PPP2R2B: variants seen among roughly 807,000 people sequenced by gnomAD.
PPP2R2B encodes protein phosphatase 2 regulatory subunit Bbeta, also known as serine/threonine-protein phosphatase 2A 55 kDa regulatory subunit B beta isoform.
In PPP2R2B, 5 loss-of-function variants were observed where a neutral mutation model predicts 46.0. The ratio of observed to expected loss-of-function variants is 0.11; its 90% CI spans 0.06 to 0.23. The LOEUF is 0.23. Among genes scored for constraint, PPP2R2B ranks in the 10% least tolerant of loss-of-function variants. The pLI is 1.00. For synonymous variants in PPP2R2B, 215 were observed against 206.7 expected (o/e 1.04, Z -0.34); for missense variants, 367 against 575.0 (o/e 0.64, Z 3.70).
At chr5:147,007,788 C>G (rs1754515540) in intron 1 of PPP2R2B, among the ~76,000 whole-genome samples, 1 of 152,144 alleles carries the variant, frequency 6.6e-6, no homozygotes, top group South Asian at 2.1e-4. Flanking sequence ...TCTGCGGCTT[C>G]ACTCCTGAAG....
chr5:146,661,892 G>A (rs1776698777), intron 5 of PPP2R2B, among the ~76,000 whole-genome samples: 2 of 152,130 alleles, frequency 1.3e-5, no homozygotes, highest in Admixed American at 1.3e-4. Flanking sequence ...AAGAAAAAAA[G>A]AGACATCTTA....
chr5:147,059,132 G>A (rs569109131), upstream of PPP2R2B, among the ~76,000 whole-genome samples: 17 of 152,036 alleles, frequency 1.1e-4, no homozygotes, highest in Non-Finnish European at 2.1e-4. Context: ...TGGCAACATA[G>A]GATATGAGAT....
intron 1 of PPP2R2B, among the ~76,000 whole-genome samples, chr5:146,910,029 T>C (rs1367310597): frequency 1.3e-5 from 2 of 152,226 alleles, no homozygotes; most frequent in Non-Finnish European, 2.9e-5. Flanking sequence ...TTTTTAAATA[T>C]TTGACTCATC....
chr5:147,037,429 T>C (rs1436384106), intron 1 of PPP2R2B, among the ~76,000 whole-genome samples: 1 of 151,988 alleles, frequency 6.6e-6, no homozygotes, highest in African/African-American at 2.4e-5. Flanking sequence ...TGTACATATA[T>C]GTATATGTAT....
intron 7 of PPP2R2B, among the ~76,000 whole-genome samples, chr5:146,608,398 T>C (rs1281450818): frequency 6.6e-6 from 1 of 152,226 alleles, no homozygotes; most frequent in East Asian, 1.9e-4. Flanking sequence ...GGATTGTCTT[T>C]GTCAGTTTTC....
chr5:146,648,928 T>C (rs1288968163), intron 6 of PPP2R2B, among the ~76,000 whole-genome samples: 1 of 152,206 alleles, frequency 6.6e-6, no homozygotes, highest in Non-Finnish European at 1.5e-5. Context: ...CAGAATCTTA[T>C]AGGCCAAGTT....
intron 1 of PPP2R2B, among the ~76,000 whole-genome samples, chr5:146,899,096 C>G (rs1340987508): frequency 5.9e-5 from 9 of 151,414 alleles, no homozygotes; most frequent in Non-Finnish European, 1.3e-4. Context: ...ACTAGAAATA[C>G]CATTTGACCC....
At chr5:146,600,829 C>T (rs1236343549) in intron 7 of PPP2R2B, among the ~76,000 whole-genome samples, 1 of 152,138 alleles carries the variant, frequency 6.6e-6, no homozygotes, top group Non-Finnish European at 1.5e-5. Context: ...AGATACAATT[C>T]ACATACCACA....
At chr5:146,782,869 G>C (rs886826323) in intron 2 of PPP2R2B, among the ~76,000 whole-genome samples, 1 of 152,036 alleles carries the variant, frequency 6.6e-6, no homozygotes, top group South Asian at 2.1e-4. Flanking sequence ...GAAACAGAGG[G>C]GGAAGGAAGG....
intron 8 of PPP2R2B, among the ~76,000 whole-genome samples, chr5:146,597,025 G>T (rs1771240054): frequency 6.6e-6 from 1 of 152,078 alleles, no homozygotes; most frequent in Non-Finnish European, 1.5e-5. Context: ...GCCAGTGTTG[G>T]GTAGCTGGGC....
chr5:146,975,616 A>T lies in PPP2R2B; in HGVS notation c.79+80049T>A, dbSNP rs1050743325. Among the ~76,000 whole-genome samples, 7 of 152,234 alleles carry T rather than the reference A, an allele frequency of 4.6e-5. No homozygotes were observed. In the East Asian group the frequency reaches 1.3e-3, roughly 29 times the overall value. ...CATAGTGGTTTCACCACTACAGTGC[A>T]GAAGAGTTCCAATTTTCCCACATAC... is the stretch of plus-strand genomic sequence containing the variant. On this transcript the variant is annotated intron_variant, in intron 1 of 8. Transcript: ENST00000336640.
intron 2 of PPP2R2B, among the ~76,000 whole-genome samples, chr5:146,858,261 C>G (rs1293070779): frequency 1.3e-5 from 2 of 152,102 alleles, no homozygotes; most frequent in Non-Finnish European, 2.9e-5. Flanking sequence ...TCATATAATT[C>G]TAAACTCTAG....
intron 1 of PPP2R2B, among the ~76,000 whole-genome samples, chr5:146,910,754 A>G (rs1478238667): frequency 1.3e-5 from 2 of 152,184 alleles, no homozygotes; most frequent in Non-Finnish European, 2.9e-5. Flanking sequence ...GAAGTTTCTT[A>G]CTTTTTTAAG....
intron 2 of PPP2R2B, among the ~76,000 whole-genome samples, chr5:146,846,917 C>T (rs567997429): frequency 1.3e-5 from 2 of 152,134 alleles, no homozygotes; most frequent in East Asian, 3.9e-4. Flanking sequence ...AAGCCACTGC[C>T]TTAAATTCTT....
intron 7 of PPP2R2B, among the ~76,000 whole-genome samples, chr5:146,623,167 G>A (rs953137108): frequency 6.6e-6 from 1 of 152,152 alleles, no homozygotes; most frequent in Non-Finnish European, 1.5e-5. Flanking sequence ...ACAGTGACAC[G>A]AACACAAAAG....
At chr5:146,872,342 T>C (rs182344629) in intron 2 of PPP2R2B, among the ~76,000 whole-genome samples, 76 of 152,332 alleles carry the variant, frequency 5.0e-4, no homozygotes, top group Non-Finnish European at 9.4e-4. Flanking sequence ...ATTTCAGGTT[T>C]CTCTGAGAAC....
intron 2 of PPP2R2B, among the ~76,000 whole-genome samples, chr5:146,776,539 T>C (rs1755192841): frequency 6.6e-6 from 1 of 152,236 alleles, no homozygotes; most frequent in Middle Eastern, 3.4e-3. Context: ...GCTGAAACTA[T>C]AAAACTGTTG....
intron 1 of PPP2R2B, among the ~76,000 whole-genome samples, chr5:146,981,329 T>C (rs1286021351): frequency 3.9e-5 from 6 of 152,166 alleles, no homozygotes; most frequent in Non-Finnish European, 8.8e-5. Flanking sequence ...TTCTATTTTG[T>C]TTTTACTCTT....
chr5:146,660,154 C>T (rs1282032303), intron 5 of PPP2R2B, among the ~76,000 whole-genome samples: 1 of 152,102 alleles, frequency 6.6e-6, no homozygotes, highest in Non-Finnish European at 1.5e-5. Flanking sequence ...ACCTGGGGGG[C>T]AGAGTCTGGC....
Sources: gnomAD v4.1 joint callset for allele counts (sites outside exome capture counted in the v4.1 genomes callset) on GRCh38, gnomAD v4.1.1 for gene constraint, MANE v1.5 for transcripts, NCBI Gene and HGNC (gene_info 2026-07-23, HGNC 2026-07-21) for gene names.